HIP1: variants seen among roughly 807,000 people sequenced by gnomAD.
HIP1 encodes the protein huntingtin interacting protein 1.
A neutral mutation model predicts 147.6 loss-of-function variants in HIP1; 65 were observed. That is an observed-to-expected ratio of 0.44 (90% CI 0.36 to 0.54). HIP1 has a LOEUF of 0.54. Among genes scored for constraint, HIP1 ranks in the 20% least tolerant of loss-of-function variants. The pLI, the probability that HIP1 is intolerant of heterozygous loss-of-function variation, is 0.00. For missense variants in HIP1, 1,061 were observed against 1,299.6 expected (o/e 0.82, Z 2.82); for synonymous variants, 479 against 504.0 (o/e 0.95, Z 0.67).
intron 1 of HIP1, among the ~76,000 whole-genome samples, chr7:75,679,070 A>T (rs1040983731): frequency 6.6e-6 from 1 of 151,274 alleles, no homozygotes; most frequent in South Asian, 2.1e-4. Flanking sequence ...AAACCAAACC[A>T]TCTTCAACCT....
chr7:75,578,572 G>T (rs1451873433), intron 7 of HIP1, among the ~76,000 whole-genome samples: 1 of 152,154 alleles, frequency 6.6e-6, no homozygotes, highest in Non-Finnish European at 1.5e-5. Context: ...CAGCTACTTG[G>T]GAGGCTGAGG....
At chr7:75,591,118 C>T (rs587717382) in intron 4 of HIP1, among the ~76,000 whole-genome samples, 17 of 151,720 alleles carry the variant, frequency 1.1e-4, no homozygotes, top group Middle Eastern at 3.4e-3. Flanking sequence ...CCACAACCTT[C>T]GCCTCCTAGG....
At chr7:75,681,937 C>T (rs1198765687) in intron 1 of HIP1, among the ~76,000 whole-genome samples, 1 of 151,616 alleles carries the variant, frequency 6.6e-6, no homozygotes, top group African/African-American at 2.4e-5. Context: ...ACCTTCCCTG[C>T]TCATGGAAAG....
chr7:75,552,167 A>G (rs1794809693), intron 22 of HIP1, among the ~76,000 whole-genome samples: 1 of 152,228 alleles, frequency 6.6e-6, no homozygotes, highest in Non-Finnish European at 1.5e-5. Flanking sequence ...TTGGGATTAC[A>G]GGCGTGAGCC....
Position 75,538,159 on chromosome 7 carries a change from T to C in HIP1, c.*13A>G, listed in dbSNP as rs1584764995. 5 of 1,601,886 alleles carry C rather than the reference T, an allele frequency of 3.1e-6. No individual in the cohort carries two copies. The highest frequency in any genetic ancestry group is 1.7e-5 in the Admixed American group (1 of 59,732). On this transcript the variant is annotated 3_prime_UTR_variant, in exon 31 of 31. Transcript: ENST00000336926. The stretch of plus-strand genomic sequence containing the variant: ...CAAGGATTTACACTGACATATGGGG[T>C]GTTGGTTTGGCTCTATTCTTTTTCG...
At chr7:75,730,173 C>A (rs1801791076) in intron 1 of HIP1, among the ~76,000 whole-genome samples, 1 of 151,886 alleles carries the variant, frequency 6.6e-6, no homozygotes, top group South Asian at 2.1e-4. Context: ...GAGGTGAGGG[C>A]AAAGGAAGTG....
chr7:75,668,957 C>T (rs1554514924), intron 1 of HIP1, among the ~76,000 whole-genome samples: 1 of 152,156 alleles, frequency 6.6e-6, no homozygotes, highest in East Asian at 1.9e-4. Context: ...GTGGCTCACG[C>T]CTGTAATCCC....
At chr7:75,608,523 C>A (rs1395719610) in intron 1 of HIP1, among the ~76,000 whole-genome samples, 1 of 152,058 alleles carries the variant, frequency 6.6e-6, no homozygotes, top group Non-Finnish European at 1.5e-5. Context: ...ACAAGCTGGA[C>A]CATTTCCAAA....
chr7:75,604,853 C>T (rs1221848795), intron 1 of HIP1, among the ~76,000 whole-genome samples: 3 of 152,146 alleles, frequency 2.0e-5, no homozygotes, highest in African/African-American at 7.2e-5. Context: ...TGCTCACACA[C>T]ACACGCAAAA....
In HIP1 at chr7:75,558,048, C is replaced by T. The variant is rs1199887902; in HGVS notation, c.1464+119G>A. ...TGAAAAGGTGTGGTTCCCGAGATGA[C>T]GGCAATGCCTTAGAGATCAATGTAG... On this transcript the variant is annotated intron_variant, in intron 15 of 30. Transcript: ENST00000336926. 2.1e-5 allele frequency: 17 copies of T among 802,100 alleles called. 1 individual carries two copies. The highest frequency in any genetic ancestry group is 3.5e-4 in the Middle Eastern group (1 of 2,824). 49.7% of individuals were successfully genotyped at this position (802,100 alleles called of 1,614,324 possible). A position where few individuals can be genotyped will look rare whatever the true frequency, so the allele number is the denominator to read the frequency against.
intron 1 of HIP1, among the ~76,000 whole-genome samples, chr7:75,718,709 G>A (rs1358939456): frequency 6.6e-6 from 1 of 152,094 alleles, no homozygotes; most frequent in Non-Finnish European, 1.5e-5. Context: ...AGCTGGCTTT[G>A]TGCCATAATG....
intron 1 of HIP1, among the ~76,000 whole-genome samples, chr7:75,704,317 T>C (rs1563303612): frequency 6.6e-6 from 1 of 151,852 alleles, no homozygotes. Flanking sequence ...GTGATCACGG[T>C]TCACTGCAAC....
At chr7:75,735,363 G>A (rs782787760) in intron 1 of HIP1, among the ~76,000 whole-genome samples, 5 of 152,184 alleles carry the variant, frequency 3.3e-5, no homozygotes, top group Admixed American at 6.5e-5. Context: ...ATCGTCCTGA[G>A]AGTAAAATGT....
At chr7:75,546,211 A>T (rs587595332) in intron 25 of HIP1, among the ~76,000 whole-genome samples, 50 of 152,340 alleles carry the variant, frequency 3.3e-4, no homozygotes, top group Middle Eastern at 3.4e-3. Context: ...ATTAAAAAAA[A>T]ATATTTCTAC....
At chr7:75,671,952 C>T (rs1799741187) in intron 1 of HIP1, among the ~76,000 whole-genome samples, 1 of 152,126 alleles carries the variant, frequency 6.6e-6, no homozygotes, top group African/African-American at 2.4e-5. Flanking sequence ...TCAGGCTGGT[C>T]TTGAACTCCT....
chr7:75,726,976 C>T (rs572349290), intron 1 of HIP1, among the ~76,000 whole-genome samples: 1 of 152,132 alleles, frequency 6.6e-6, no homozygotes, highest in South Asian at 2.1e-4. Context: ...TGTGCCTGGC[C>T]AGTACCTTAT....
intron 21 of HIP1, 29 bp from the exon 22 acceptor site, chr7:75,553,618 T>G: frequency 6.2e-7 from 1 of 1,604,758 alleles, no homozygotes; most frequent in Non-Finnish European, 8.5e-7. Flanking sequence ...AGACACTTTT[T>G]TTTTGAGATG....
intron 4 of HIP1, among the ~76,000 whole-genome samples, chr7:75,589,982 C>T (rs2116961764): frequency 6.6e-6 from 1 of 152,152 alleles, no homozygotes; most frequent in African/African-American, 2.4e-5. Context: ...ATCCGCCCGC[C>T]TCGGCCTCCC....
Position 75,542,835 on chromosome 7 carries a change from C to T in HIP1, c.2890+16G>A, listed in dbSNP as rs782157829. 3.7e-6 allele frequency: 6 copies of T among 1,613,116 alleles called. No individual in the cohort carries two copies. In the African/African-American group the frequency reaches 5.3e-5, roughly 14 times the overall value. The stretch of plus-strand genomic sequence containing the variant: ...CAACAGGGTGGGTAAGAAAAGGGTC[C>T]CTTTGGAAAGGCTACCTGTCTCTTC... On this transcript the variant is annotated intron_variant, in intron 28 of 30. Transcript: ENST00000336926.
Sources: allele counts gnomAD v4.1 joint callset (sites outside exome capture counted in the v4.1 genomes callset), GRCh38; gene constraint gnomAD v4.1.1; transcripts MANE v1.5; gene names NCBI Gene and HGNC (gene_info 2026-07-23, HGNC 2026-07-21).